XKR9: variants seen among roughly 807,000 people sequenced by gnomAD.
XKR9 encodes XK-related protein 9.
Under a neutral mutation model 32.0 loss-of-function variants are expected in XKR9, and 32 were observed. The observed-to-expected ratio is 1.00, with a 90% CI of 0.76 to 1.34. The LOEUF is 1.34. Ranked by LOEUF, XKR9 falls within the 40% of genes most tolerant of loss-of-function variation. XKR9 has a pLI of 0.00. For synonymous variants in XKR9, 168 were observed against 143.4 expected (o/e 1.17, Z -1.22); for missense variants, 546 against 429.7 (o/e 1.27, Z -2.39).
intron 2 of XKR9, among the ~76,000 whole-genome samples, chr8:70,775,727 G>C (rs1001049965): frequency 3.3e-5 from 5 of 149,530 alleles, no homozygotes; most frequent in South Asian, 2.1e-4. Context: ...TTGCCTCTGC[G>C]TACATGGGGA....
At chr8:70,804,983 G>A in the XKR9 span, among the ~76,000 whole-genome samples, 4 of 152,190 alleles carry the variant, frequency 2.6e-5, no homozygotes, top group Admixed American at 6.5e-5. Flanking sequence ...TGGCCAATGG[G>A]TGAGGCCAAG....
rs561639159 is a variant in XKR9, at chr8:70,684,481, A to T, written c.272+3151A>T. The stretch of plus-strand genomic sequence containing the variant: ...ATAAGCATATAAATATATACACATA[A>T]GCATACATAATCAAATATATTGTCC... On this transcript the variant is annotated intron_variant, in intron 3 of 4. Transcript: ENST00000408926. 2.6e-5 allele frequency among the ~76,000 whole-genome samples: 4 copies of T among 152,242 alleles called. 1 individual carries two copies. The highest frequency in any genetic ancestry group is 9.6e-5 in the African/African-American group (4 of 41,570).
At chr8:70,816,661 A>G in the XKR9 span, among the ~76,000 whole-genome samples, 8 of 152,218 alleles carry the variant, frequency 5.3e-5, no homozygotes, top group African/African-American at 1.9e-4. Context: ...AGTGAACCCT[A>G]TTAGGCTAAC....
the XKR9 span, among the ~76,000 whole-genome samples, chr8:70,800,982 G>GT: frequency 0.011 from 1,335 of 127,080 alleles, 9 homozygotes; most frequent in African/African-American, 0.021. Context: ...GGTCTCTAAG[G>GT]TTTTTTTTTT....
chr8:70,784,592 T>TA (rs1280769745), intron 2 of XKR9, among the ~76,000 whole-genome samples: 1 of 151,970 alleles, frequency 6.6e-6, no homozygotes, highest in African/African-American at 2.4e-5. Flanking sequence ...TTTTTTTTTT[T>TA]ATTGGTAGAG....
At chr8:70,762,616 T>C (rs1807323582) in intron 2 of XKR9, among the ~76,000 whole-genome samples, 2 of 152,214 alleles carry the variant, frequency 1.3e-5, no homozygotes, top group African/African-American at 4.8e-5. Flanking sequence ...TGTCATTCTT[T>C]CTGTTCAGTA....
chr8:70,878,583 C>A, the XKR9 span, among the ~76,000 whole-genome samples: 23 of 152,118 alleles, frequency 1.5e-4, no homozygotes, highest in African/African-American at 5.5e-4. Context: ...GGTAAAGGGA[C>A]CAATTCAACA....
At chr8:70,764,114 C>T (rs1400899821) in intron 2 of XKR9, among the ~76,000 whole-genome samples, 4 of 152,184 alleles carry the variant, frequency 2.6e-5, no homozygotes, top group Non-Finnish European at 5.9e-5. Flanking sequence ...GTCATGACTG[C>T]TGTCTTGGGA....
chr8:71,052,565 C>T, the XKR9 span, among the ~76,000 whole-genome samples: 13 of 152,156 alleles, frequency 8.5e-5, no homozygotes, highest in Admixed American at 2.6e-4. Context: ...ATGATTCTGC[C>T]GCCCACTCAG....
intron 4 of XKR9, among the ~76,000 whole-genome samples, chr8:70,710,765 A>C (rs930529882): frequency 6.6e-6 from 1 of 150,380 alleles, no homozygotes; most frequent in Non-Finnish European, 1.5e-5. Flanking sequence ...ATTGCAACAA[A>C]AAAAAAGTTG....
chr8:70,858,557 C>T, the XKR9 span, among the ~76,000 whole-genome samples: 1 of 152,020 alleles, frequency 6.6e-6, no homozygotes. Flanking sequence ...TCAAAGCAAT[C>T]CTGAGCAAAA....
chr8:70,800,988 T>TG, the XKR9 span, among the ~76,000 whole-genome samples: 1 of 151,814 alleles, frequency 6.6e-6, no homozygotes, highest in South Asian at 2.1e-4. Flanking sequence ...TAAGGTTTTT[T>TG]TTTTTTTTTT....
chr8:71,041,750 C>T, the XKR9 span, among the ~76,000 whole-genome samples: 7 of 152,162 alleles, frequency 4.6e-5, no homozygotes, highest in African/African-American at 1.7e-4. Flanking sequence ...CCCTTTCTCT[C>T]TCTCTCTGTC....
chr8:70,909,843 G>A, the XKR9 span, among the ~76,000 whole-genome samples: 1 of 150,786 alleles, frequency 6.6e-6, no homozygotes, highest in African/African-American at 2.4e-5. Context: ...CAAGTAGCTG[G>A]GACTACAGGT....
the XKR9 span, among the ~76,000 whole-genome samples, chr8:70,957,041 C>T: frequency 6.6e-6 from 1 of 152,210 alleles, no homozygotes; most frequent in Non-Finnish European, 1.5e-5. Flanking sequence ...CCCAGCTGCA[C>T]CTCACCCGCT....
chr8:70,754,522 A>C (rs1807189140), intron 2 of XKR9, among the ~76,000 whole-genome samples: 1 of 140,902 alleles, frequency 7.1e-6, no homozygotes, highest in Admixed American at 7.6e-5. Context: ...CTATACTATA[A>C]GGCTACAGTA....
chr8:70,801,946 T>G, the XKR9 span, among the ~76,000 whole-genome samples: 3 of 151,596 alleles, frequency 2.0e-5, no homozygotes, highest in Non-Finnish European at 4.4e-5. Context: ...TTCTTTTTTT[T>G]TTTTTTGAGA....
chr8:70,874,081 G>A, the XKR9 span, among the ~76,000 whole-genome samples: 6 of 152,132 alleles, frequency 3.9e-5, no homozygotes, highest in African/African-American at 9.7e-5. Flanking sequence ...TTAAATTAAG[G>A]TATGTACTCT....
chr8:70,682,487 TATAAA>T (rs1819114414), intron 3 of XKR9, among the ~76,000 whole-genome samples: 1 of 152,200 alleles, frequency 6.6e-6, no homozygotes, highest in African/African-American at 2.4e-5. Context: ...TAAATTGTAT[TATAAA>T]AGAAAGGCCA....
Sources: gnomAD v4.1 joint callset for allele counts (sites outside exome capture counted in the v4.1 genomes callset) on GRCh38, gnomAD v4.1.1 for gene constraint, MANE v1.5 for transcripts, NCBI Gene and HGNC (gene_info 2026-07-23, HGNC 2026-07-21) for gene names.